Variants in CNTNAP4 observed in about 807,000 individuals in gnomAD.
The protein encoded by CNTNAP4 is contactin-associated protein-like 4.
A neutral mutation model predicts 148.4 loss-of-function variants in CNTNAP4; 98 were observed. That is an observed-to-expected ratio of 0.66 (90% CI 0.56 to 0.78). The LOEUF (loss-of-function observed/expected upper bound fraction) is 0.78. CNTNAP4 is among the 30% of genes least tolerant of loss of function. CNTNAP4 has a pLI of 0.00. For missense variants in CNTNAP4, 1,935 were observed against 1,565.6 expected (o/e 1.24, Z -3.98); for synonymous variants, 730 against 565.1 (o/e 1.29, Z -4.14).
intron 7 of CNTNAP4, 127 bp downstream of exon 7, chr16:76,449,985 TGA>T: frequency 1.4e-6 from 1 of 734,680 alleles, no homozygotes. Flanking sequence ...TATTTTTCTT[TGA>T]TTGGCAATAT....
chr16:76,331,447 C>A (rs767691887), intron 2 of CNTNAP4, among the ~76,000 whole-genome samples: 1 of 151,344 alleles, frequency 6.6e-6, no homozygotes, highest in African/African-American at 2.4e-5. Flanking sequence ...CTCAGCATCC[C>A]AAAGTGCTGA....
At chr16:76,426,481 G>C (rs145434135) in intron 3 of CNTNAP4, among the ~76,000 whole-genome samples, 2 of 152,220 alleles carry the variant, frequency 1.3e-5, no homozygotes, top group African/African-American at 4.8e-5. Context: ...AGGAAGGTGA[G>C]AAATAAAAAT....
At chr16:76,557,960 C>T (rs2085264217) in intron 23 of CNTNAP4, 1 of 152,190 alleles carries the variant, frequency 6.6e-6, no homozygotes, top group South Asian at 2.1e-4. Context: ...AGTGTTAAAA[C>T]AACATTCCTC....
At chr16:76,297,492 A>G (rs1959436833) in intron 1 of CNTNAP4, among the ~76,000 whole-genome samples, 1 of 152,190 alleles carries the variant, frequency 6.6e-6, no homozygotes, top group African/African-American at 2.4e-5. Flanking sequence ...GAGTTGTGTT[A>G]CAGTGAAAAA....
At chr16:76,490,024 A>G in intron 13 of CNTNAP4, 141 bp downstream of exon 13, 1 of 461,942 alleles carries the variant, frequency 2.2e-6, no homozygotes, top group Non-Finnish European at 3.8e-6. Flanking sequence ...TAAACATGTC[A>G]CAGTCTGGAA....
intron 15 of CNTNAP4, among the ~76,000 whole-genome samples, chr16:76,513,105 T>A (rs1166002963): frequency 2.0e-5 from 3 of 152,152 alleles, no homozygotes; most frequent in Non-Finnish European, 4.4e-5. Context: ...TAATAGCATG[T>A]CTGTGTTAGT....
chr16:76,293,248 C>T (rs1266094035), intron 1 of CNTNAP4, among the ~76,000 whole-genome samples: 5 of 152,066 alleles, frequency 3.3e-5, no homozygotes, highest in Non-Finnish European at 5.9e-5. Context: ...CCTCAGCCTC[C>T]TGAGTAGCTG....
At chr16:76,473,099 C>A (rs755223011) in intron 10 of CNTNAP4, among the ~76,000 whole-genome samples, 1 of 152,170 alleles carries the variant, frequency 6.6e-6, no homozygotes, top group African/African-American at 2.4e-5. Context: ...CCTGTTTTTA[C>A]ACATTGTCAT....
intron 3 of CNTNAP4, among the ~76,000 whole-genome samples, chr16:76,395,102 A>G (rs1294163655): frequency 6.6e-6 from 1 of 152,142 alleles, no homozygotes; most frequent in Non-Finnish European, 1.5e-5. Flanking sequence ...TCTCCCAATG[A>G]CCATCATGAC....
chr16:76,330,459 T>A (rs912688461), intron 2 of CNTNAP4, among the ~76,000 whole-genome samples: 3 of 152,220 alleles, frequency 2.0e-5, no homozygotes, highest in African/African-American at 7.2e-5. Flanking sequence ...TGCCTGCTTA[T>A]GACTTTCAAC....
At chr16:76,285,369 AT>A (rs1370556822) in intron 1 of CNTNAP4, among the ~76,000 whole-genome samples, 1 of 152,058 alleles carries the variant, frequency 6.6e-6, no homozygotes, top group Non-Finnish European at 1.5e-5. Flanking sequence ...TAACTATAAA[AT>A]TTTTTAATGC....
At chr16:76,294,087 G>T (rs992654803) in intron 1 of CNTNAP4, among the ~76,000 whole-genome samples, 5 of 152,076 alleles carry the variant, frequency 3.3e-5, no homozygotes, top group Non-Finnish European at 7.4e-5. Context: ...AGAGATTTTG[G>T]AGAGCGAGTA....
chr16:76,527,059 C>T (rs545328399), intron 17 of CNTNAP4, among the ~76,000 whole-genome samples: 1 of 152,240 alleles, frequency 6.6e-6, no homozygotes, highest in Non-Finnish European at 1.5e-5. Flanking sequence ...TTTCCTGGCT[C>T]CACAATCCAA....
At chr16:76,354,911 A>G (rs922347046) in intron 2 of CNTNAP4, among the ~76,000 whole-genome samples, 1 of 152,198 alleles carries the variant, frequency 6.6e-6, no homozygotes, top group African/African-American at 2.4e-5. Context: ...GTTCCACCAC[A>G]GCTTTAGTTC....
intron 3 of CNTNAP4, among the ~76,000 whole-genome samples, chr16:76,405,137 A>G (rs2078557569): frequency 6.6e-6 from 1 of 152,196 alleles, no homozygotes; most frequent in African/African-American, 2.4e-5. Flanking sequence ...GATTGCTGTA[A>G]TGTAGTTGTT....
intron 3 of CNTNAP4, among the ~76,000 whole-genome samples, chr16:76,369,704 G>A (rs1256652771): frequency 6.6e-6 from 1 of 152,094 alleles, no homozygotes; most frequent in Non-Finnish European, 1.5e-5. Flanking sequence ...TAACCAGGTG[G>A]GGTGGTGCAT....
intron 10 of CNTNAP4, among the ~76,000 whole-genome samples, chr16:76,475,100 C>G (rs1395317481): frequency 1.3e-5 from 2 of 152,068 alleles, no homozygotes; most frequent in African/African-American, 4.8e-5. Flanking sequence ...CTGCTTGAAC[C>G]CAGGAGGCGG....
In CNTNAP4 at chr16:76,519,541, G is replaced by A. The variant is rs551974746; in HGVS notation, c.2366-1599G>A. The stretch of plus-strand genomic sequence containing the variant: ...ATGTGAAGCTTATTTTTATGTTAAT[G>A]TATAACATTTAAACAAAAAGGCATC... On this transcript the variant is annotated intron_variant, in intron 15 of 23. Coordinates refer to ENST00000611870, the MANE Select transcript of CNTNAP4 (RefSeq NM_033401.5). Among the ~76,000 whole-genome samples, 6 of 152,228 alleles carry A rather than the reference G, an allele frequency of 3.9e-5. No individual in the cohort carries two copies. The East Asian group carries it at 7.7e-4, about 20-fold the overall frequency.
intron 3 of CNTNAP4, among the ~76,000 whole-genome samples, chr16:76,361,985 C>G (rs1009021410): frequency 6.6e-6 from 1 of 152,106 alleles, no homozygotes; most frequent in African/African-American, 2.4e-5. Context: ...GGAGAACTGT[C>G]TGCTCAATGC....
Sources: allele counts gnomAD v4.1 joint callset (sites outside exome capture counted in the v4.1 genomes callset), GRCh38; gene constraint gnomAD v4.1.1; transcripts MANE v1.5; gene names NCBI Gene and HGNC (gene_info 2026-07-23, HGNC 2026-07-21).